PTBP3: variants seen among roughly 807,000 people sequenced by gnomAD.
The protein encoded by PTBP3 is polypyrimidine tract-binding protein 3.
Under a neutral mutation model 58.7 loss-of-function variants are expected in PTBP3, and 20 were observed. That is an observed-to-expected ratio of 0.34 (90% CI 0.24 to 0.50). The LOEUF is 0.50. Among genes scored for constraint, PTBP3 ranks in the 20% least tolerant of loss-of-function variants. The probability of loss-of-function intolerance (pLI) is 0.98; values close to 1 mark genes in which losing one functional copy is unlikely to be tolerated. For synonymous variants in PTBP3, 185 were observed against 219.8 expected, an observed-to-expected ratio of 0.84 and a Z score of 1.40; for missense variants, 509 against 637.2, an observed-to-expected ratio of 0.80 and a Z score of 2.17.
At chr9:112,316,562 C>G (rs971246894) in intron 1 of PTBP3, among the ~76,000 whole-genome samples, 1 of 152,142 alleles carries the variant, frequency 6.6e-6, no homozygotes, top group African/African-American at 2.4e-5. Flanking sequence ...CCCAAGTAAC[C>G]CACGCCCAGA....
chr9:112,307,706 AACTC>A (rs1255819279), intron 1 of PTBP3, among the ~76,000 whole-genome samples: 3 of 152,214 alleles, frequency 2.0e-5, no homozygotes, highest in Non-Finnish European at 4.4e-5. Context: ...TTTTCCCAAG[AACTC>A]ACTTTCAAAT....
chr9:112,304,789 G>A (rs1829103242), intron 1 of PTBP3, among the ~76,000 whole-genome samples: 2 of 151,978 alleles, frequency 1.3e-5, no homozygotes, highest in Admixed American at 6.6e-5. Flanking sequence ...TCTACTGATT[G>A]ATCGCTTATT....
At chr9:112,323,505 C>T (rs545885535) in intron 1 of PTBP3, among the ~76,000 whole-genome samples, 4 of 152,218 alleles carry the variant, frequency 2.6e-5, no homozygotes, top group Non-Finnish European at 4.4e-5. Flanking sequence ...AGCAATATGA[C>T]GGTCAATATG....
At chr9:112,241,201 T>TC (rs1289097543) in intron 7 of PTBP3, among the ~76,000 whole-genome samples, 1 of 152,126 alleles carries the variant, frequency 6.6e-6, no homozygotes, top group East Asian at 1.9e-4. Context: ...CCTCCTGGGT[T>TC]CAAGCAATTC....
At chr9:112,306,478 TC>T (rs1418683429) in intron 1 of PTBP3, among the ~76,000 whole-genome samples, 1 of 151,622 alleles carries the variant, frequency 6.6e-6, no homozygotes, top group African/African-American at 2.4e-5. Flanking sequence ...AAAACACTAT[TC>T]TTAACCTCTG....
At chr9:112,364,744 C>T in the PTBP3 span, among the ~76,000 whole-genome samples, 1 of 152,134 alleles carries the variant, frequency 6.6e-6, no homozygotes, top group Non-Finnish European at 1.5e-5. Context: ...AATTGACTTG[C>T]GTGACACAGG....
At chr9:112,311,590 C>A (rs1829475855) in intron 1 of PTBP3, among the ~76,000 whole-genome samples, 1 of 152,072 alleles carries the variant, frequency 6.6e-6, no homozygotes, top group African/African-American at 2.4e-5. Flanking sequence ...ACAGAGCCAA[C>A]TGGAGAACTT....
intron 2 of PTBP3, among the ~76,000 whole-genome samples, chr9:112,292,013 C>G (rs1192976745): frequency 1.3e-5 from 2 of 152,042 alleles, no homozygotes; most frequent in Non-Finnish European, 2.9e-5. Context: ...TACAACTCAA[C>G]AACAAAAACA....
At chr9:112,314,901 G>C (rs949367038) in intron 1 of PTBP3, among the ~76,000 whole-genome samples, 1 of 148,704 alleles carries the variant, frequency 6.7e-6, no homozygotes, top group Non-Finnish European at 1.5e-5. Context: ...GCGCGATCTC[G>C]GCTCACTGCA....
At chr9:112,329,153 G>C (rs923100675) in intron 1 of PTBP3, among the ~76,000 whole-genome samples, 1 of 152,170 alleles carries the variant, frequency 6.6e-6, no homozygotes, top group Non-Finnish European at 1.5e-5. Context: ...GCTCACACCT[G>C]TAATCCTAGC....
chr9:112,357,795 T>C, the PTBP3 span, among the ~76,000 whole-genome samples: 1 of 152,194 alleles, frequency 6.6e-6, no homozygotes, highest in South Asian at 2.1e-4. Context: ...TTTTGACTTC[T>C]TATTCACCTT....
At chr9:112,290,871 C>G (rs1177328512) in intron 2 of PTBP3, among the ~76,000 whole-genome samples, 1 of 151,870 alleles carries the variant, frequency 6.6e-6, no homozygotes, top group Admixed American at 6.6e-5. Flanking sequence ...AATTCCACTT[C>G]TAGACACATA....
chr9:112,312,207 C>T (rs1043495916), intron 1 of PTBP3, among the ~76,000 whole-genome samples: 1 of 152,068 alleles, frequency 6.6e-6, no homozygotes, highest in Non-Finnish European at 1.5e-5. Context: ...CAGAAAATCA[C>T]CTTAACCAAG....
intron 1 of PTBP3, among the ~76,000 whole-genome samples, chr9:112,321,198 A>T (rs1448740909): frequency 6.6e-6 from 1 of 152,108 alleles, no homozygotes; most frequent in Admixed American, 6.5e-5. Context: ...AAGGGGTAGG[A>T]CTTCCTAGTC....
At chr9:112,321,052 G>T (rs1244883973) in intron 1 of PTBP3, among the ~76,000 whole-genome samples, 1 of 151,974 alleles carries the variant, frequency 6.6e-6, no homozygotes, top group Non-Finnish European at 1.5e-5. Flanking sequence ...TTTATCAAAA[G>T]ACACCATTAA....
At chr9:112,356,668 G>T in the PTBP3 span, among the ~76,000 whole-genome samples, 27 of 151,982 alleles carry the variant, frequency 1.8e-4, no homozygotes, top group African/African-American at 5.8e-4. Context: ...TCTACTGAGG[G>T]AATTGTTTTC....
At chr9:112,296,049 G>T (rs1170213235) in intron 2 of PTBP3, among the ~76,000 whole-genome samples, 1 of 152,200 alleles carries the variant, frequency 6.6e-6, no homozygotes, top group East Asian at 1.9e-4. Context: ...TAGCTCATCA[G>T]CTATCATTAA....
At chr9:112,332,293 A>G (rs1391960728) in intron 1 of PTBP3, among the ~76,000 whole-genome samples, 1 of 152,234 alleles carries the variant, frequency 6.6e-6, no homozygotes, top group South Asian at 2.1e-4. Context: ...TCTGCATTCA[A>G]ATGAATCAAT....
At chr9:112,260,190 TGA>T (rs1836533763) in intron 5 of PTBP3, among the ~76,000 whole-genome samples, 1 of 152,250 alleles carries the variant, frequency 6.6e-6, no homozygotes, top group Non-Finnish European at 1.5e-5. Flanking sequence ...ATTACAGGCA[TGA>T]GCCCCCACAC....
Sources: gnomAD v4.1 joint callset for allele counts (sites outside exome capture counted in the v4.1 genomes callset) on GRCh38, gnomAD v4.1.1 for gene constraint, MANE v1.5 for transcripts, NCBI Gene and HGNC (gene_info 2026-07-23, HGNC 2026-07-21) for gene names.